Variants in ANKRD33B observed in about 807,000 individuals in gnomAD.
ANKRD33B encodes ankyrin repeat domain-containing protein 33B.
A neutral mutation model predicts 21.5 loss-of-function variants in ANKRD33B; 6 were observed. The ratio of observed to expected loss-of-function variants is 0.28; its 90% CI spans 0.15 to 0.55. ANKRD33B has a LOEUF of 0.55. ANKRD33B is among the 20% of genes least tolerant of loss of function. The probability of loss-of-function intolerance (pLI) is 0.94; values close to 1 mark genes in which losing one functional copy is unlikely to be tolerated. For synonymous variants in ANKRD33B, 347 were observed against 342.4 expected (o/e 1.01, Z -0.15); for missense variants, 698 against 747.2 (o/e 0.93, Z 0.77).
At chr5:10,623,458 G>A (rs73036541) in intron 2 of ANKRD33B, among the ~76,000 whole-genome samples, 13,813 of 152,190 alleles carry the variant, frequency 0.091, 1,719 homozygotes, top group African/African-American at 0.28. Context: ...TGTGATAAAG[G>A]AAATAAGCAG....
intron 3 of ANKRD33B, among the ~76,000 whole-genome samples, chr5:10,640,837 G>A (rs1463434555): frequency 6.6e-6 from 1 of 152,198 alleles, no homozygotes; most frequent in Non-Finnish European, 1.5e-5. Context: ...CAAGATCAAG[G>A]TGCCGGCAGG....
intron 2 of ANKRD33B, among the ~76,000 whole-genome samples, chr5:10,618,742 C>T (rs868054178): frequency 9.2e-5 from 14 of 152,184 alleles, no homozygotes; most frequent in African/African-American, 3.1e-4. Flanking sequence ...CACCTGAAGC[C>T]TCACACTCCA....
intron 2 of ANKRD33B, among the ~76,000 whole-genome samples, chr5:10,631,066 T>C (rs6896826): frequency 0.23 from 34,818 of 151,968 alleles, 4,095 homozygotes; most frequent in Middle Eastern, 0.34. Flanking sequence ...TTCTTTATGT[T>C]AGGGCAGTAT....
intron 1 of ANKRD33B, among the ~76,000 whole-genome samples, chr5:10,602,815 ATT>A (rs5865898): frequency 7.0e-5 from 10 of 143,786 alleles, no homozygotes; most frequent in East Asian, 2.0e-4. Flanking sequence ...ATTGCTTGTC[ATT>A]TTTTTTTTTT....
At chr5:10,590,488 C>T (rs968940621) in intron 1 of ANKRD33B, among the ~76,000 whole-genome samples, 1 of 152,178 alleles carries the variant, frequency 6.6e-6, no homozygotes, top group Non-Finnish European at 1.5e-5. Context: ...TCTCCTTAAC[C>T]CAAGCTTATC....
At chr5:10,614,064 A>G (rs547026315) in intron 1 of ANKRD33B, among the ~76,000 whole-genome samples, 1 of 148,164 alleles carries the variant, frequency 6.7e-6, no homozygotes, top group East Asian at 2.0e-4. Flanking sequence ...GATTTGAGGA[A>G]CTGGCGTGTG....
chr5:10,648,143 C>T (rs1474869242), intron 3 of ANKRD33B, among the ~76,000 whole-genome samples: 1 of 148,664 alleles, frequency 6.7e-6, no homozygotes, highest in East Asian at 1.9e-4. Context: ...TTCATGCCCC[C>T]TACCCACCAG....
At chr5:10,644,241 C>T (rs533245634) in intron 3 of ANKRD33B, among the ~76,000 whole-genome samples, 39 of 152,190 alleles carry the variant, frequency 2.6e-4, no homozygotes, top group Non-Finnish European at 4.4e-4. Flanking sequence ...AGAGGCTGAT[C>T]GATTGCATCT....
At chr5:10,640,991 C>T (rs897235799) in intron 3 of ANKRD33B, among the ~76,000 whole-genome samples, 1 of 152,280 alleles carries the variant, frequency 6.6e-6, no homozygotes. Context: ...CCCCTAAAGG[C>T]CTCACCTCTT....
intron 1 of ANKRD33B, among the ~76,000 whole-genome samples, chr5:10,570,637 G>A (rs137885688): frequency 6.6e-6 from 1 of 152,046 alleles, no homozygotes; most frequent in Non-Finnish European, 1.5e-5. Context: ...AGCTCACTGA[G>A]CCTTGACCTC....
chr5:10,620,941 C>A (rs1736406277), intron 2 of ANKRD33B, among the ~76,000 whole-genome samples: 1 of 152,198 alleles, frequency 6.6e-6, no homozygotes, highest in African/African-American at 2.4e-5. Context: ...TTTTCTGAAT[C>A]ATTTATTTTA....
rs1436392852 is a variant in ANKRD33B at position 10,622,794 on chromosome 5, C to CT, written c.496+4335dup. 6.2e-4 allele frequency among the ~76,000 whole-genome samples: 49 copies of CT among 78,578 alleles called. 1 individual carries two copies. Among genetic ancestry groups the CT allele is most frequent in the South Asian group, 9.0e-4 (2 of 2,218 alleles). The allele number at this position is 78,578 out of a possible 152,430, so 51.6% of individuals were successfully genotyped here. On this transcript the variant is annotated intron_variant, in intron 2 of 3. Transcript: ENST00000296657. Reference sequence around the variant, plus strand: ...GATCCAGGGTTGTTTTTTGTTTTTGCTTTATTTTATTTTATTTTTTTTTTT... The same window carrying CT: ...GATCCAGGGTTGTTTTTTGTTTTTGCTTTTATTTTATTTTATTTTTTTTTTT...
chr5:10,655,251 G>A lies in ANKRD33B; in HGVS notation c.*5138G>A, dbSNP rs1234470474. 1.3e-5 allele frequency: 2 copies of A among 152,368 alleles called. No homozygotes were observed. Among genetic ancestry groups the A allele is most frequent in the African/African-American group, 2.4e-5 (1 of 41,436 alleles). 9.4% of individuals were successfully genotyped at this position (152,368 alleles called of 1,614,324 possible). On this transcript the variant is annotated 3_prime_UTR_variant, in exon 4 of 4. Transcript: ENST00000296657. ...GTTGTGAGTGAAACAGAAGCCCCTG[G>A]CATAGGGCCAGACCCTAGGCCTGAA...
chr5:10,618,275 G>T (rs1001002825), intron 1 of ANKRD33B, 58 bp from the exon 2 acceptor site: 1 of 1,534,676 alleles, frequency 6.5e-7, no homozygotes. Flanking sequence ...GGTCCCCAGT[G>T]CTGACCCACC....
chr5:10,591,159 G>A (rs534335319), intron 1 of ANKRD33B, among the ~76,000 whole-genome samples: 1 of 150,514 alleles, frequency 6.6e-6, no homozygotes, highest in South Asian at 2.1e-4. Flanking sequence ...TTCTAAGCCA[G>A]GTTTATAGAA....
rs1233812930 is a variant in ANKRD33B, at chr5:10,651,015, T to C, written c.*902T>C. On this transcript the variant is annotated 3_prime_UTR_variant, in exon 4 of 4. Transcript: ENST00000296657. ...ATACAAAATTAAGCCATATGTGCTC[T>C]TAAGTAATTCGAATCCAGATATCCT... 2.0e-5 allele frequency: 3 copies of C among 152,364 alleles called. No homozygotes were observed. Among genetic ancestry groups the C allele is most frequent in the Non-Finnish European group, 4.4e-5 (3 of 68,054 alleles). 9.4% of individuals were successfully genotyped at this position (152,364 alleles called of 1,614,324 possible).
intron 1 of ANKRD33B, among the ~76,000 whole-genome samples, chr5:10,574,260 A>G (rs1735267279): frequency 6.6e-6 from 1 of 152,262 alleles, no homozygotes. Flanking sequence ...TCTTTTACAT[A>G]TGGAATTATC....
At position 10,657,354 on chromosome 5, in the gene ANKRD33B, C is replaced by G. The variant is rs894938573; in HGVS notation, c.*7241C>G. On this transcript the variant is annotated 3_prime_UTR_variant, in exon 4 of 4. Transcript: ENST00000296657. ...CTTTATGACCGTTCTAAGGATTGAA[C>G]AGATTCCTGCACAGGGTGCCAGGTT... The G allele has an allele frequency of 1.3e-5, 2 of 152,362 alleles. No homozygotes were observed. Among genetic ancestry groups the G allele is most frequent in the African/African-American group, 4.8e-5 (2 of 41,468 alleles). The allele number at this position is 152,362 out of a possible 1,614,324, so 9.4% of individuals were successfully genotyped here.
chr5:10,645,014 G>A (rs370299803), intron 3 of ANKRD33B, among the ~76,000 whole-genome samples: 3 of 152,222 alleles, frequency 2.0e-5, no homozygotes, highest in East Asian at 1.9e-4. Flanking sequence ...AGAGATGCTG[G>A]GAAGTTTATT....
Sources: allele counts gnomAD v4.1 joint callset (sites outside exome capture counted in the v4.1 genomes callset), GRCh38; gene constraint gnomAD v4.1.1; transcripts MANE v1.5; gene names NCBI Gene and HGNC (gene_info 2026-07-23, HGNC 2026-07-21).